The following TMEM225 variants were observed in gnomAD, a reference collection of about 807,000 sequenced individuals.
TMEM225 encodes PMP22 claudin domain-containing protein.
TMEM225 carries 10 observed loss-of-function variants against 17.6 expected under a neutral mutation model. The observed-to-expected ratio is 0.57, with a 90% CI of 0.35 to 0.96. The LOEUF is 0.96. TMEM225 is among the 40% of genes least tolerant of loss of function. The pLI is 0.02. For missense variants in TMEM225, 245 were observed against 271.5 expected, an observed-to-expected ratio of 0.90 and a Z score of 0.69; for synonymous variants, 101 against 94.5, an observed-to-expected ratio of 1.07 and a Z score of -0.40.
chr11:123,883,508 C>T (rs912094508), intron 3 of TMEM225, among the ~76,000 whole-genome samples, 156 bp from the exon 4 acceptor site: 1 of 152,006 alleles, frequency 6.6e-6, no homozygotes, highest in Non-Finnish European at 1.5e-5. Flanking sequence ...TGGAAGAAAC[C>T]GGAAGTGTAT....
chr11:123,883,873 G>T (rs777773826), intron 3 of TMEM225, among the ~76,000 whole-genome samples: 4 of 152,088 alleles, frequency 2.6e-5, no homozygotes, highest in Admixed American at 1.3e-4. Context: ...ACCCTCTGAG[G>T]CCAGGCACAG....
chr11:123,885,152 G>T, intron 1 of TMEM225, 93 bp downstream of exon 1: 2 of 1,123,038 alleles, frequency 1.8e-6, no homozygotes, highest in Non-Finnish European at 1.3e-6. Context: ...GAAAATAATG[G>T]GTACACTGGT....
chr11:123,885,583 A>T lies in TMEM225; in HGVS notation c.-158T>A. 2 of 665,842 alleles carry T rather than the reference A, an allele frequency of 3.0e-6. No individual in the cohort carries two copies. Among genetic ancestry groups the T allele is most frequent in the South Asian group, 4.0e-5 (2 of 49,758 alleles). The allele number at this position is 665,842 out of a possible 1,614,324, so 41.2% of individuals were successfully genotyped here. A position where few individuals can be genotyped will look rare whatever the true frequency, so the allele number is the denominator to read the frequency against. ...GTAGTCTATAAAACAGAGAAGATAG[A>T]TAACTCTCACCCTTCCTCACTTCCG... On this transcript the variant is annotated 5_prime_UTR_variant, in exon 1 of 4. Transcript: ENST00000375026.
intron 3 of TMEM225, 69 bp downstream of exon 3, chr11:123,884,005 CT>C: frequency 6.7e-7 from 1 of 1,490,870 alleles, no homozygotes; most frequent in Non-Finnish European, 8.9e-7. Flanking sequence ...CTATTCTCAT[CT>C]TTTTACCCTT....
At chr11:123,883,993 C>T (rs1863001006) in intron 3 of TMEM225, 82 bp downstream of exon 3, 5 of 1,443,976 alleles carry the variant, frequency 3.5e-6, no homozygotes, top group Middle Eastern at 1.8e-4. Flanking sequence ...GCACTTTTCC[C>T]TCTATTCTCA....
rs1862982315 is a variant in TMEM225, at chr11:123,883,061, T to A, written c.*77A>T. 16 of 1,208,584 alleles carry A rather than the reference T, an allele frequency of 1.3e-5. 1 individual carries two copies. In the South Asian group the frequency reaches 2.2e-4, roughly 16 times the overall value. 74.9% of individuals were successfully genotyped at this position (1,208,584 alleles called of 1,614,324 possible). ...ACCATAATTCCAAATAGAGACAACA[T>A]GGTTGGAGACACAGCACACACCCAC... is the stretch of plus-strand genomic sequence containing the variant. On this transcript the variant is annotated 3_prime_UTR_variant, in exon 4 of 4. Transcript: ENST00000375026.
Position 123,885,260 on chromosome 11 carries a change from C to A in TMEM225, c.166G>T (p.Ala56Ser). Residue 56 changes from alanine (A) to serine (S), a missense_variant, in exon 1 of 4, where the codon GCT becomes TCT. Physicochemically the swap from Ala to Ser is moderately conservative, Grantham distance 99. Coordinates refer to ENST00000375026, the MANE Select transcript of TMEM225 (RefSeq NM_001013743.3). ...NHSPWMMCCP[A>S]LWPEDDLKVV... ...CAGTTCTGACCTTCTGGCCAAAGAG[C>A]AGGGCAACACATCATCCAAGGACTG... The A allele has an allele frequency of 6.2e-7, 1 of 1,613,236 alleles. No homozygotes were observed.
At chr11:123,884,030 A>G (rs748153165) in intron 3 of TMEM225, 45 bp downstream of exon 3, 4 of 1,550,414 alleles carry the variant, frequency 2.6e-6, no homozygotes, top group Non-Finnish European at 3.5e-6. Context: ...TCTGTCGGGG[A>G]TGGATTGGTT....
chr11:123,884,456 C>G lies in TMEM225; in HGVS notation c.328+34G>C, dbSNP rs199909910. On this transcript the variant is annotated intron_variant, in intron 2 of 3. Transcript: ENST00000375026. ...CCTGAACCCACCCATCAAAGTACAC[C>G]TACAAGCTTGTGTTAGGGGAGCCAG... 6.3e-6 allele frequency: 10 copies of G among 1,589,410 alleles called. No homozygotes were observed. In the East Asian group the frequency reaches 2.2e-4, roughly 36 times the overall value.
Position 123,884,222 on chromosome 11 carries a change from C to CCAAAAA in TMEM225, c.329-14_329-13insTTTTTG. The CCAAAAA allele has an allele frequency of 1.6e-6, 2 of 1,230,852 alleles. No homozygotes were observed. The highest frequency in any genetic ancestry group is 2.0e-5 in the South Asian group (1 of 49,224). 76.2% of individuals were successfully genotyped at this position (1,230,852 alleles called of 1,614,324 possible). Reference sequence around the variant, plus strand: ...AGCAGAGAGATACCTGATGTCCAGACAAAAAAAAAAAAAAAAAAAGAAAAA... The same window carrying CCAAAAA: ...AGCAGAGAGATACCTGATGTCCAGACCAAAAAAAAAAAAAAAAAAAAAAAAGAAAAA... On this transcript the variant is annotated splice_polypyrimidine_tract_variant and intron_variant, in intron 2 of 3. Transcript: ENST00000375026.
intron 1 of TMEM225, 131 bp downstream of exon 1, chr11:123,885,114 G>A: frequency 1.2e-6 from 1 of 821,992 alleles, no homozygotes; most frequent in Non-Finnish European, 1.9e-6. Flanking sequence ...AAGGAAGGAA[G>A]AACACTGCAA....
chr11:123,884,463 CT>C, intron 2 of TMEM225, 26 bp downstream of exon 2: 1 of 1,594,594 alleles, frequency 6.3e-7, no homozygotes, highest in Non-Finnish European at 8.5e-7. Flanking sequence ...CACCTACAAG[CT>C]TGTGTTAGGG....
chr11:123,883,291 A>C lies in TMEM225; in HGVS notation c.525T>G (p.His175Gln). The C allele has an allele frequency of 6.2e-7, 1 of 1,613,408 alleles. No individual in the cohort carries two copies. The highest frequency in any genetic ancestry group is 1.1e-5 in the South Asian group (1 of 91,068). The change falls in exon 4 of 4, where the codon CAT (histidine) becomes CAG (glutamine). Residue 175 changes from histidine (H) to glutamine (Q), a missense_variant. Transcript: ENST00000375026. ...ATTCCTTACATTCGTTGTCAGATTT[A>C]TGGATGTTCAGGCAGGTACAGCTAC... is the stretch of plus-strand genomic sequence containing the variant. ...STSSCTCLNI[H>Q]KSDNECKESE...
In TMEM225 at chr11:123,884,069, A is replaced by T. The variant is rs368506440; in HGVS notation, c.463+6T>A. 8.3e-5 allele frequency: 134 copies of T among 1,605,038 alleles called. No homozygotes were observed. The highest frequency in any genetic ancestry group is 1.1e-4 in the Non-Finnish European group (132 of 1,176,324). ...AACACCCTTCAGGGGCCCTGGAGAC[A>T]CTCACCACAGACAGACAAGAAGAAA... is the stretch of plus-strand genomic sequence containing the variant. On this transcript the variant is annotated splice_donor_region_variant and intron_variant, in intron 3 of 3. Transcript: ENST00000375026.
intron 1 of TMEM225, 131 bp from the exon 2 acceptor site, chr11:123,884,767 T>C (rs999474272): frequency 3.4e-6 from 3 of 894,000 alleles, no homozygotes; most frequent in Admixed American, 2.8e-5. Flanking sequence ...AGAAAGAAGT[T>C]GGAAAATAAC....
At position 123,884,222 on chromosome 11, in the gene TMEM225, C is replaced by CAAAAAAAAAAAAAAAAAAA; in HGVS notation, c.329-32_329-14dup. ...AGCAGAGAGATACCTGATGTCCAGA[C>CAAAAAAAAAAAAAAAAAAA]AAAAAAAAAAAAAAAAAAAGAAAAA... On this transcript the variant is annotated splice_polypyrimidine_tract_variant and intron_variant, in intron 2 of 3. Coordinates refer to ENST00000375026, the MANE Select transcript of TMEM225 (RefSeq NM_001013743.3). 1 of 1,230,852 alleles carries CAAAAAAAAAAAAAAAAAAA rather than the reference C, an allele frequency of 8.1e-7. No individual in the cohort carries two copies. The highest frequency in any genetic ancestry group is 1.0e-6 in the Non-Finnish European group (1 of 977,798). 76.2% of individuals were successfully genotyped at this position (1,230,852 alleles called of 1,614,324 possible). A position where few individuals can be genotyped will look rare whatever the true frequency, so the allele number is the denominator to read the frequency against.
chr11:123,885,436 A>G lies in TMEM225; in HGVS notation c.-11T>C. 1 of 1,606,234 alleles carries G rather than the reference A, an allele frequency of 6.2e-7. No individual in the cohort carries two copies. The highest frequency in any genetic ancestry group is 8.5e-7 in the Non-Finnish European group (1 of 1,176,182). ...TGAAACATGCACCATTGTGAGTGAA[A>G]ATTTCTAGCTGGAACCACCACCACT... is the stretch of plus-strand genomic sequence containing the variant. On this transcript the variant is annotated 5_prime_UTR_variant, in exon 1 of 4. Coordinates refer to ENST00000375026, the MANE Select transcript of TMEM225 (RefSeq NM_001013743.3).
At chr11:123,883,848 C>T (rs952254746) in intron 3 of TMEM225, among the ~76,000 whole-genome samples, 22 of 152,042 alleles carry the variant, frequency 1.4e-4, no homozygotes, top group African/African-American at 5.3e-4. Context: ...AAATAAAAGG[C>T]GGAGATGGGG....
intron 2 of TMEM225, 52 bp from the exon 3 acceptor site, chr11:123,884,261 T>C: frequency 6.6e-7 from 1 of 1,523,966 alleles, no homozygotes; most frequent in Non-Finnish European, 8.7e-7. Flanking sequence ...AAAAGTCCCT[T>C]CTGAGGAACT....
Sources: allele counts gnomAD v4.1 joint callset (sites outside exome capture counted in the v4.1 genomes callset), GRCh38; gene constraint gnomAD v4.1.1; transcripts MANE v1.5; gene names NCBI Gene and HGNC (gene_info 2026-07-23, HGNC 2026-07-21).